Variants in ITGB1BP1 observed in about 807,000 individuals in gnomAD.
The protein encoded by ITGB1BP1 is integrin subunit beta 1 binding protein 1, also known as integrin beta-1-binding protein 1.
ITGB1BP1 carries 20 observed loss-of-function variants against 28.0 expected under a neutral mutation model. That is an observed-to-expected ratio of 0.71 (90% CI 0.50 to 1.04). The LOEUF (loss-of-function observed/expected upper bound fraction) is 1.04, where lower values mean the gene tolerates loss of function less well. Among genes scored for constraint, ITGB1BP1 ranks in the 50% least tolerant of loss-of-function variants. The probability of loss-of-function intolerance (pLI) is 0.00; values close to 1 mark genes in which losing one functional copy is unlikely to be tolerated. For missense variants in ITGB1BP1, 228 were observed against 242.5 expected, an observed-to-expected ratio of 0.94 and a Z score of 0.40; for synonymous variants, 103 against 89.5, an observed-to-expected ratio of 1.15 and a Z score of -0.85.
chr2:9,422,908 T>C (rs1453706206), intron 1 of ITGB1BP1: 2 of 985,824 alleles, frequency 2.0e-6, no homozygotes, highest in Non-Finnish European at 2.4e-6. Context: ...GCGGCCAAGC[T>C]CGGGGCCTAG....
intron 2 of ITGB1BP1, among the ~76,000 whole-genome samples, chr2:9,416,236 T>C (rs947776472): frequency 6.6e-6 from 1 of 152,004 alleles, no homozygotes; most frequent in Non-Finnish European, 1.5e-5. Context: ...CACTACCTGC[T>C]TTTTTTTGGG....
In ITGB1BP1 at chr2:9,405,720, A is replaced by G. The variant is rs1677182797; in HGVS notation, c.*1114T>C. Reference sequence around the variant, plus strand: ...ATGTTTTTAATCTTTAAAGTTTTGTATATTGACAGTCCTTTAAAAAAAGTA... The same window carrying G: ...ATGTTTTTAATCTTTAAAGTTTTGTGTATTGACAGTCCTTTAAAAAAAGTA... On this transcript the variant is annotated 3_prime_UTR_variant, in exon 7 of 7. Transcript: ENST00000355346. The G allele has an allele frequency of 1.3e-5, 2 of 152,276 alleles. No homozygotes were observed. Among genetic ancestry groups the G allele is most frequent in the African/African-American group, 4.8e-5 (2 of 41,446 alleles). The allele number at this position is 152,276 out of a possible 1,614,324, so 9.4% of individuals were successfully genotyped here.
chr2:9,416,990 G>A (rs910520550), intron 2 of ITGB1BP1, among the ~76,000 whole-genome samples: 1 of 152,076 alleles, frequency 6.6e-6, no homozygotes, highest in Non-Finnish European at 1.5e-5. Flanking sequence ...TGCAGAACCT[G>A]AGGTTTCAGC....
At chr2:9,422,116 T>C (rs1005031687) in intron 1 of ITGB1BP1, among the ~76,000 whole-genome samples, 1 of 152,198 alleles carries the variant, frequency 6.6e-6, no homozygotes, top group Non-Finnish European at 1.5e-5. Context: ...CCAAGGATAT[T>C]TCGTGGATAA....
At chr2:9,407,640 AATG>A (rs745355182) in intron 5 of ITGB1BP1, 42 bp from the exon 6 acceptor site, 2 of 1,609,958 alleles carry the variant, frequency 1.2e-6, no homozygotes, top group Non-Finnish European at 1.7e-6. Flanking sequence ...AGGACTCTCA[AATG>A]TTTGTCAGTC....
chr2:9,408,964 G>A lies in ITGB1BP1; in HGVS notation c.289-759C>T, dbSNP rs908677184. ...AGCATAGACCAGTGTTAGCGTGTGG[G>A]ATGATCAGGAAGCAGAGCCCACATA... On this transcript the variant is annotated intron_variant, in intron 4 of 6. Transcript: ENST00000355346. 3.1e-4 allele frequency among the ~76,000 whole-genome samples: 47 copies of A among 152,250 alleles called. 1 individual carries two copies. Among genetic ancestry groups the A allele is most frequent in the Non-Finnish European group, 4.4e-5 (3 of 68,042 alleles).
intron 5 of ITGB1BP1, 93 bp downstream of exon 5, chr2:9,408,020 A>G: frequency 1.4e-6 from 1 of 727,588 alleles, no homozygotes; most frequent in Non-Finnish European, 2.4e-6. Flanking sequence ...ATCACTCTGC[A>G]AACAGGAGTG....
chr2:9,419,586 A>G (rs978567582), intron 1 of ITGB1BP1, among the ~76,000 whole-genome samples: 8 of 152,218 alleles, frequency 5.3e-5, no homozygotes, highest in Non-Finnish European at 1.0e-4. Flanking sequence ...TCTGTGTTAC[A>G]TATTTCTTTT....
chr2:9,411,407 AG>A (rs1441049083), intron 4 of ITGB1BP1, among the ~76,000 whole-genome samples: 2 of 152,212 alleles, frequency 1.3e-5, no homozygotes, highest in Non-Finnish European at 2.9e-5. Flanking sequence ...TCATTTAAAT[AG>A]GATTGATCAG....
chr2:9,418,832 A>G, intron 1 of ITGB1BP1, 100 bp from the exon 2 acceptor site: 1 of 808,050 alleles, frequency 1.2e-6, no homozygotes. Context: ...GCTGGAGTGC[A>G]GTGGCACAAA....
At chr2:9,418,775 A>ATT in intron 1 of ITGB1BP1, 43 bp from the exon 2 acceptor site, 1 of 1,315,076 alleles carries the variant, frequency 7.6e-7, no homozygotes, top group Non-Finnish European at 1.1e-6. Context: ...GGGAAAAGCA[A>ATT]CTTTTTTTTT....
intron 4 of ITGB1BP1, among the ~76,000 whole-genome samples, chr2:9,409,390 G>A (rs1215402423): frequency 2.6e-5 from 4 of 152,124 alleles, no homozygotes; most frequent in Non-Finnish European, 5.9e-5. Flanking sequence ...CAAGAACCAC[G>A]GTATGGGATA....
chr2:9,405,455 G>A lies in ITGB1BP1; in HGVS notation c.*1379C>T, dbSNP rs1000914804. 2.6e-5 allele frequency: 4 copies of A among 152,542 alleles called. No homozygotes were observed. The highest frequency in any genetic ancestry group is 9.7e-5 in the African/African-American group (4 of 41,404). 9.4% of individuals were successfully genotyped at this position (152,542 alleles called of 1,614,324 possible). ...GTAACTGTGTGATCTGTTAAGGGGT[G>A]GATAACATAATATGCAGCTTAGGAT... On this transcript the variant is annotated 3_prime_UTR_variant, in exon 7 of 7. Transcript: ENST00000355346.
At position 9,412,310 on chromosome 2, in the gene ITGB1BP1, C is replaced by G. The variant is rs755295860; in HGVS notation, c.247G>C (p.Glu83Gln). 1 of 1,612,194 alleles carries G rather than the reference C, an allele frequency of 6.2e-7. No individual in the cohort carries two copies. Among genetic ancestry groups the G allele is most frequent in the South Asian group, 1.1e-5 (1 of 90,996 alleles). ...KLKLSEGKGL[E>Q]GPLDLINYID... is the part of the protein sequence containing the mutation. ...TAATTTATCAGGTCTAATGGCCCTT[C>G]AAGGCCTTTTCCCTCGGAGAGTTTC... Residue 83 changes from glutamate to glutamine, a missense_variant, in exon 4 of 7, where the codon GAA becomes CAA. Around this residue, in one of 2 missense-constraint regions of ITGB1BP1, gnomAD observed 192 missense variants for 181.6 expected, o/e 1.06. Transcript: ENST00000355346.
intron 1 of ITGB1BP1, chr2:9,422,634 G>A: frequency 3.0e-6 from 3 of 985,604 alleles, no homozygotes; most frequent in Non-Finnish European, 3.6e-6. Flanking sequence ...GGCGGAGCTC[G>A]GTGACTCCTC....
At chr2:9,417,509 T>C (rs1370928139) in intron 2 of ITGB1BP1, among the ~76,000 whole-genome samples, 4 of 152,150 alleles carry the variant, frequency 2.6e-5, no homozygotes, top group Admixed American at 2.0e-4. Context: ...AACCTTCGAC[T>C]CCTGGTTCAA....
At chr2:9,418,835 G>GTTTGTGCCACT in intron 1 of ITGB1BP1, 103 bp from the exon 2 acceptor site, 1 of 786,964 alleles carries the variant, frequency 1.3e-6, no homozygotes, top group Non-Finnish European at 2.1e-6. Flanking sequence ...GGAGTGCAGT[G>GTTTGTGCCACT]GCACAAACAT....
At chr2:9,423,140 C>T (rs993323847) in intron 1 of ITGB1BP1, 2 of 1,009,798 alleles carry the variant, frequency 2.0e-6, no homozygotes, top group Non-Finnish European at 2.4e-6. Context: ...GCGACAGCGG[C>T]TCGGGAAGCT....
Position 9,412,349 on chromosome 2 carries a change from C to T in ITGB1BP1, c.208G>A (p.Ala70Thr), listed in dbSNP as rs1186185873. The change falls in exon 4 of 7, where the codon GCC becomes ACC. Residue 70 changes from alanine to threonine, a missense_variant. Transcript: ENST00000355346. Reference sequence around the variant, plus strand: ...TCGGAGAGTTTCAGTTTCTCAATGGCACCAACATATTTTATTCGAAATTCT... The same window carrying T: ...TCGGAGAGTTTCAGTTTCTCAATGGTACCAACATATTTTATTCGAAATTCT... The part of the protein sequence containing the change: ...CAEFRIKYVG[A>T]IEKLKLSEGK... The T allele has an allele frequency of 1.2e-6, 2 of 1,612,042 alleles. No individual in the cohort carries two copies. The highest frequency in any genetic ancestry group is 1.7e-6 in the Non-Finnish European group (2 of 1,178,662).
Sources: allele counts gnomAD v4.1 joint callset (sites outside exome capture counted in the v4.1 genomes callset), GRCh38; gene constraint gnomAD v4.1.1; regional missense constraint gnomAD v4.1.1; transcripts MANE v1.5; gene names NCBI Gene and HGNC (gene_info 2026-07-23, HGNC 2026-07-21).